The following GCH1 variants were observed in gnomAD, a reference collection of about 807,000 sequenced individuals.
GCH1 encodes GTP cyclohydrolase I.
A neutral mutation model predicts 25.9 loss-of-function variants in GCH1; 5 were observed. The observed-to-expected ratio is 0.19, with a 90% CI of 0.10 to 0.41. The LOEUF is 0.41. Among genes scored for constraint, GCH1 ranks in the 10% least tolerant of loss-of-function variants. GCH1 has a pLI of 1.00. For synonymous variants in GCH1, 159 were observed against 129.6 expected, an observed-to-expected ratio of 1.23 and a Z score of -1.54; for missense variants, 261 against 336.5, an observed-to-expected ratio of 0.78 and a Z score of 1.75.
intron 1 of GCH1, among the ~76,000 whole-genome samples, chr14:54,875,472 A>T (rs1227343542): frequency 1.3e-5 from 2 of 152,210 alleles, no homozygotes; most frequent in African/African-American, 2.4e-5. Flanking sequence ...AATTGACAAA[A>T]GGGATCTAAT....
chr14:54,901,531 C>T (rs2040566092), intron 1 of GCH1, among the ~76,000 whole-genome samples: 2 of 148,992 alleles, frequency 1.3e-5, no homozygotes, highest in African/African-American at 4.9e-5. Context: ...CGGGTCAACC[C>T]GGCTTTATTT....
chr14:54,902,178 C>T (rs1387051540), intron 1 of GCH1, 143 bp downstream of exon 1: 2 of 882,270 alleles, frequency 2.3e-6, no homozygotes, highest in African/African-American at 3.3e-5. Flanking sequence ...GGGCGGCAGG[C>T]TAGGGCGGGT....
intron 1 of GCH1, among the ~76,000 whole-genome samples, chr14:54,898,835 G>A (rs1401114082): frequency 6.6e-6 from 1 of 152,172 alleles, no homozygotes; most frequent in Non-Finnish European, 1.5e-5. Flanking sequence ...GGCCAGGCTG[G>A]TCTCTTTCTA....
chr14:54,901,706 C>G (rs926976690), intron 1 of GCH1, among the ~76,000 whole-genome samples: 13 of 152,100 alleles, frequency 8.5e-5, no homozygotes, highest in Non-Finnish European at 7.4e-5. Context: ...CCGGGGAAGC[C>G]CGTGCCCAAA....
intron 1 of GCH1, among the ~76,000 whole-genome samples, chr14:54,893,399 A>G (rs1281873921): frequency 6.6e-6 from 1 of 152,102 alleles, no homozygotes; most frequent in Non-Finnish European, 1.5e-5. Context: ...GACTCAAATT[A>G]CAGTCCTCAT....
intron 3 of GCH1, among the ~76,000 whole-genome samples, chr14:54,853,895 AACTG>A (rs1210492395): frequency 2.1e-4 from 32 of 152,218 alleles, no homozygotes; most frequent in African/African-American, 7.7e-4. Flanking sequence ...ACACTTATAA[AACTG>A]ACTGGGTCCA....
intron 1 of GCH1, among the ~76,000 whole-genome samples, chr14:54,869,188 GC>G: frequency 1.3e-5 from 2 of 150,776 alleles, no homozygotes; most frequent in Admixed American, 1.3e-4. Flanking sequence ...ACAGGCACGT[GC>G]CACCAAACTC....
chr14:54,862,613 G>GTTT (rs35880039), intron 2 of GCH1, among the ~76,000 whole-genome samples: 2 of 105,784 alleles, frequency 1.9e-5, no homozygotes, highest in African/African-American at 3.8e-5. Flanking sequence ...TTTTTGGTTG[G>GTTT]TTTTTTTTTT....
chr14:54,848,937 T>A (rs1440495550), intron 3 of GCH1, among the ~76,000 whole-genome samples: 1 of 152,210 alleles, frequency 6.6e-6, no homozygotes, highest in Non-Finnish European at 1.5e-5. Context: ...ATTAGTTTGT[T>A]ATATATGTAG....
Position 54,858,158 on chromosome 14 carries a change from C to G in GCH1, c.509+1523G>C, listed in dbSNP as rs556670134. Among the ~76,000 whole-genome samples the G allele has an allele frequency of 1.4e-4, 21 of 151,868 alleles. 1 individual carries two copies. The South Asian group carries it at 4.4e-3, about 32-fold the overall frequency. On this transcript the variant is annotated intron_variant, in intron 3 of 5. Transcript: ENST00000491895. ...AGTTTTTTTTTTACAGATTCCAACA[C>G]AGAATTGAGAAATATCAGGACCACC...
At position 54,843,306 on chromosome 14, in the gene GCH1, G is replaced by C; in HGVS notation, c.*711C>G. 2 of 1,341,640 alleles carry C rather than the reference G, an allele frequency of 1.5e-6. No individual in the cohort carries two copies. Among genetic ancestry groups the C allele is most frequent in the Non-Finnish European group, 1.9e-6 (2 of 1,051,658 alleles). The allele number at this position is 1,341,640 out of a possible 1,614,324, so 83.1% of individuals were successfully genotyped here. A position where few individuals can be genotyped will look rare whatever the true frequency, so the allele number is the denominator to read the frequency against. The stretch of plus-strand genomic sequence containing the variant: ...TAAATGATATTCTTATCAAGGCACA[G>C]AGAGTTAAATGTCTAAATCCCTGTA... On this transcript the variant is annotated 3_prime_UTR_variant, in exon 6 of 6. Transcript: ENST00000491895.
intron 4 of GCH1, 112 bp downstream of exon 4, chr14:54,846,987 A>G (rs2039652469): frequency 2.0e-6 from 1 of 496,608 alleles, no homozygotes. Context: ...CCGAGATTGC[A>G]CCACTGCACT....
chr14:54,862,704 C>T (rs2039922241), intron 2 of GCH1, among the ~76,000 whole-genome samples: 2 of 149,528 alleles, frequency 1.3e-5, no homozygotes, highest in Admixed American at 1.4e-4. Context: ...CACCACCTGC[C>T]TTGGCCTCCC....
intron 3 of GCH1, among the ~76,000 whole-genome samples, chr14:54,848,296 T>C (rs1260750069): frequency 8.6e-5 from 13 of 151,948 alleles, no homozygotes; most frequent in Non-Finnish European, 1.6e-4. Flanking sequence ...GTCACCATGC[T>C]CGGCTAATTT....
chr14:54,880,661 CATAT>C lies in GCH1; in HGVS notation c.344-15229_344-15226del, dbSNP rs1318221480. 1.6e-4 allele frequency among the ~76,000 whole-genome samples: 3 copies of C among 18,370 alleles called. 1 individual carries two copies. The highest frequency in any genetic ancestry group is 3.1e-4 in the African/African-American group (1 of 3,204). The allele number at this position is 18,370 out of a possible 152,430, so 12.1% of individuals were successfully genotyped here. ...ATATATACTCCATATATATATACTCCATATATATATATACTCCATATATATATAC... is the reference window on the plus strand; with the variant it reads ...ATATATACTCCATATATATATACTCCATATATATACTCCATATATATATAC... On this transcript the variant is annotated intron_variant, in intron 1 of 5. Coordinates refer to ENST00000491895, the MANE Select transcript of GCH1 (RefSeq NM_000161.3).
intron 1 of GCH1, among the ~76,000 whole-genome samples, chr14:54,875,524 G>C (rs138721511): frequency 1.8e-3 from 277 of 152,284 alleles, no homozygotes; most frequent in Non-Finnish European, 2.9e-3. Context: ...ACTACCATCA[G>C]GGTGAACAGG....
rs2039587082 is a variant in GCH1, at chr14:54,843,201, A to G, written c.*816T>C. ...CAATAAACCTATAAAGTTAAAACTG[A>G]GCTGACTAGTTATTTGCAGTGTGAG... On this transcript the variant is annotated 3_prime_UTR_variant, in exon 6 of 6. Transcript: ENST00000491895. 1.2e-5 allele frequency: 18 copies of G among 1,450,524 alleles called. No individual in the cohort carries two copies. Among genetic ancestry groups the G allele is most frequent in the Admixed American group, 5.4e-5 (2 of 36,738 alleles). 89.9% of individuals were successfully genotyped at this position (1,450,524 alleles called of 1,614,324 possible).
At chr14:54,897,322 CTT>C (rs1432556705) in intron 1 of GCH1, among the ~76,000 whole-genome samples, 2 of 148,934 alleles carry the variant, frequency 1.3e-5, no homozygotes, top group African/African-American at 5.0e-5. Context: ...GAGTTTCGCT[CTT>C]GTTGCCCAGG....
chr14:54,860,220 G>A (rs187838384), intron 2 of GCH1, among the ~76,000 whole-genome samples: 1 of 152,288 alleles, frequency 6.6e-6, no homozygotes, highest in African/African-American at 2.4e-5. Context: ...TTGTTCAAGA[G>A]TCAATTGCAT....
Sources: gnomAD v4.1 joint callset for allele counts (sites outside exome capture counted in the v4.1 genomes callset) on GRCh38, gnomAD v4.1.1 for gene constraint, MANE v1.5 for transcripts, NCBI Gene and HGNC (gene_info 2026-07-23, HGNC 2026-07-21) for gene names.